The following RALGAPA2 variants were observed in gnomAD, a reference collection of about 807,000 sequenced individuals.
The protein encoded by RALGAPA2 is ral GTPase-activating protein subunit alpha-2.
RALGAPA2 carries 139 observed loss-of-function variants against 230.4 expected under a neutral mutation model. That is an observed-to-expected ratio of 0.60 (90% CI 0.53 to 0.69). The LOEUF (loss-of-function observed/expected upper bound fraction) is 0.69. RALGAPA2 is among the 30% of genes least tolerant of loss of function. RALGAPA2 has a pLI of 0.00. For synonymous variants in RALGAPA2, 847 were observed against 837.8 expected (o/e 1.01, Z -0.19); for missense variants, 2,163 against 2,276.0 (o/e 0.95, Z 1.01).
In RALGAPA2 at chr20:20,474,298, G is replaced by A. The variant is rs553594746; in HGVS notation, c.5368-1342C>T. ...TAAGCAACCATGGCTGGGGCCAAGC[G>A]AGAAAAAGGAAGAATTAAGAGCTAA... is the stretch of plus-strand genomic sequence containing the variant. On this transcript the variant is annotated intron_variant, in intron 36 of 39. Transcript: ENST00000202677. Among the ~76,000 whole-genome samples, 5 of 152,318 alleles carry A rather than the reference G, an allele frequency of 3.3e-5. No homozygotes were observed. The East Asian group carries it at 7.7e-4, about 24-fold the overall frequency.
At chr20:20,622,015 A>G (rs2066339002) in intron 10 of RALGAPA2, among the ~76,000 whole-genome samples, 1 of 152,258 alleles carries the variant, frequency 6.6e-6, no homozygotes, top group Non-Finnish European at 1.5e-5. Context: ...GCTTCATGCA[A>G]TATATCAATA....
chr20:20,569,830 A>C (rs1303541935), intron 23 of RALGAPA2, among the ~76,000 whole-genome samples: 1 of 152,150 alleles, frequency 6.6e-6, no homozygotes, highest in Non-Finnish European at 1.5e-5. Context: ...TTTTTATAAA[A>C]TGAGAAGGAT....
intron 23 of RALGAPA2, among the ~76,000 whole-genome samples, chr20:20,557,493 T>C (rs1051337250): frequency 6.6e-6 from 1 of 152,180 alleles, no homozygotes; most frequent in South Asian, 2.1e-4. Context: ...TAGAAATATA[T>C]TCTTCTTAGA....
chr20:20,681,104 G>A (rs1251207156), intron 1 of RALGAPA2, among the ~76,000 whole-genome samples: 1 of 152,182 alleles, frequency 6.6e-6, no homozygotes, highest in African/African-American at 2.4e-5. Context: ...GGGCAGGTCT[G>A]GGGAGGGACA....
intron 3 of RALGAPA2, 36 bp from the exon 4 acceptor site, chr20:20,653,623 A>G (rs2067486681): frequency 6.5e-6 from 8 of 1,237,892 alleles, no homozygotes. Context: ...TAAACAACAA[A>G]TGAAATTACA....
intron 37 of RALGAPA2, among the ~76,000 whole-genome samples, chr20:20,458,397 T>C (rs1465883055): frequency 7.0e-6 from 1 of 142,788 alleles, no homozygotes; most frequent in East Asian, 2.0e-4. Flanking sequence ...ACATTTTTTA[T>C]ACATATAATA....
intron 37 of RALGAPA2, among the ~76,000 whole-genome samples, chr20:20,469,188 C>T (rs571099807): frequency 1.3e-5 from 2 of 152,108 alleles, no homozygotes; most frequent in East Asian, 1.9e-4. Context: ...TGGTGCTGCC[C>T]GGCAAAATAG....
intron 6 of RALGAPA2, among the ~76,000 whole-genome samples, chr20:20,640,392 A>G (rs575400652): frequency 6.6e-5 from 10 of 152,324 alleles, no homozygotes; most frequent in Middle Eastern, 3.4e-3. Flanking sequence ...GGTGGAGTTT[A>G]ATCTCATTAA....
At chr20:20,546,914 C>T in intron 23 of RALGAPA2, 82 bp from the exon 24 acceptor site, 2 of 1,381,342 alleles carry the variant, frequency 1.4e-6, no homozygotes, top group Non-Finnish European at 1.9e-6. Context: ...GTACATATGA[C>T]CACTGTATAA....
intron 33 of RALGAPA2, among the ~76,000 whole-genome samples, chr20:20,506,687 A>T (rs1052207410): frequency 4.6e-5 from 7 of 152,140 alleles, no homozygotes; most frequent in Non-Finnish European, 8.8e-5. Context: ...TTAATATTTA[A>T]TTTTTTAATA....
chr20:20,649,455 A>G (rs1261209557), intron 4 of RALGAPA2, among the ~76,000 whole-genome samples: 1 of 152,226 alleles, frequency 6.6e-6, no homozygotes, highest in Non-Finnish European at 1.5e-5. Flanking sequence ...ACAAATTTTC[A>G]GCTTAGTTAG....
chr20:20,423,438 G>C (rs2060319491), intron 37 of RALGAPA2, among the ~76,000 whole-genome samples: 1 of 152,208 alleles, frequency 6.6e-6, no homozygotes, highest in African/African-American at 2.4e-5. Flanking sequence ...GAGGGAGCGG[G>C]AGACAGCCAT....
At chr20:20,522,251 A>C (rs761209249) in intron 30 of RALGAPA2, among the ~76,000 whole-genome samples, 2 of 139,140 alleles carry the variant, frequency 1.4e-5, no homozygotes, top group Non-Finnish European at 3.2e-5. Flanking sequence ...GTATATGTAC[A>C]AAAAAAAAAA....
At chr20:20,485,351 C>T (rs1168408028) in intron 36 of RALGAPA2, among the ~76,000 whole-genome samples, 3 of 152,182 alleles carry the variant, frequency 2.0e-5, no homozygotes, top group Non-Finnish European at 4.4e-5. Context: ...CACCCCTTTA[C>T]TTTTAATCTG....
chr20:20,512,910 G>C lies in RALGAPA2; in HGVS notation c.4459C>G (p.Pro1487Ala), dbSNP rs764363005. ...LYGPLEGCLAPNGRNPSFLIS... is the reference protein window; with the variant it reads ...LYGPLEGCLAANGRNPSFLIS... Reference sequence around the variant, plus strand: ...AGAAATGAAGGATTTCTTCCATTGGGTGCTAAGCAGCCTTCCAAAGGTCCA... The same window carrying C: ...AGAAATGAAGGATTTCTTCCATTGGCTGCTAAGCAGCCTTCCAAAGGTCCA... Residue 1487 changes from proline to alanine, a missense_variant, in exon 32 of 40, where the codon CCC (proline) becomes GCC (alanine). Physicochemically the swap from Pro to Ala is conservative, Grantham distance 27. Transcript: ENST00000202677. The C allele has an allele frequency of 6.2e-7, 1 of 1,613,800 alleles. No homozygotes were observed. The highest frequency in any genetic ancestry group is 8.5e-7 in the Non-Finnish European group (1 of 1,179,746).
At chr20:20,654,362 T>C (rs1319736616) in intron 3 of RALGAPA2, among the ~76,000 whole-genome samples, 1 of 152,172 alleles carries the variant, frequency 6.6e-6, no homozygotes, top group Non-Finnish European at 1.5e-5. Flanking sequence ...CTAATATTTG[T>C]ATTTTTAATA....
At chr20:20,686,829 C>A (rs548337698) in intron 1 of RALGAPA2, among the ~76,000 whole-genome samples, 2 of 152,166 alleles carry the variant, frequency 1.3e-5, no homozygotes, top group African/African-American at 4.8e-5. Flanking sequence ...CACAGTCTCA[C>A]AAAAACCTGC....
At chr20:20,439,377 T>G (rs1188616645) in intron 37 of RALGAPA2, among the ~76,000 whole-genome samples, 1 of 152,094 alleles carries the variant, frequency 6.6e-6, no homozygotes, top group African/African-American at 2.4e-5. Context: ...CATGCCCAGC[T>G]AACTTCTGTA....
At chr20:20,542,685 G>C (rs1394534295) in intron 24 of RALGAPA2, among the ~76,000 whole-genome samples, 1 of 152,178 alleles carries the variant, frequency 6.6e-6, no homozygotes, top group Non-Finnish European at 1.5e-5. Flanking sequence ...AGTAAATGGT[G>C]ATGTGAAAAC....
Sources: gnomAD v4.1 joint callset for allele counts (sites outside exome capture counted in the v4.1 genomes callset) on GRCh38, gnomAD v4.1.1 for gene constraint, MANE v1.5 for transcripts, NCBI Gene and HGNC (gene_info 2026-07-23, HGNC 2026-07-21) for gene names.